Variants in MACROD2 observed in about 807,000 individuals in gnomAD.
The protein encoded by MACROD2 is mono-ADP ribosylhydrolase 2, also known as ADP-ribose glycohydrolase MACROD2.
A neutral mutation model predicts 70.4 loss-of-function variants in MACROD2; 36 were observed. The observed-to-expected ratio is 0.51, with a 90% confidence interval of 0.39 to 0.68. The LOEUF is 0.68. Among genes scored for constraint, MACROD2 ranks in the 30% least tolerant of loss-of-function variants. MACROD2 has a pLI of 0.00. For synonymous variants in MACROD2, 172 were observed against 178.8 expected, an observed-to-expected ratio of 0.96 and a Z score of 0.30; for missense variants, 496 against 538.4, an observed-to-expected ratio of 0.92 and a Z score of 0.78.
chr20:15,019,024 A>G lies in MACROD2; in HGVS notation c.419-210916A>G, dbSNP rs150467982. 6.8e-4 allele frequency among the ~76,000 whole-genome samples: 104 copies of G among 152,206 alleles called. 2 individuals carry two copies. In the East Asian group the frequency reaches 0.019, roughly 28 times the overall value. ...AAATTTAACCTTTTTTCTTTTACCA[A>G]TTACCCAGTCTCAAGTATTCTTTAC... On this transcript the variant is annotated intron_variant, in intron 5 of 17. Coordinates refer to ENST00000684519, the MANE Select transcript of MACROD2 (RefSeq NM_001351661.2).
rs141536508 is a variant in MACROD2 at position 14,598,848 on chromosome 20, C to T, written c.302-85995C>T. Among the ~76,000 whole-genome samples, 181 of 151,886 alleles carry T rather than the reference C, an allele frequency of 1.2e-3. 1 individual carries two copies. Among genetic ancestry groups the T allele is most frequent in the African/African-American group, 4.1e-3 (171 of 41,412 alleles). On this transcript the variant is annotated intron_variant, in intron 4 of 17. Transcript: ENST00000684519. ...TATGCCACAAATCTTGGGCTAGATT[C>T]GAAGATGAAGAATTATATCATGTAA... is the stretch of plus-strand genomic sequence containing the variant.
chr20:15,827,381 C>T (rs1241701459), intron 8 of MACROD2, among the ~76,000 whole-genome samples: 1 of 152,048 alleles, frequency 6.6e-6, no homozygotes, highest in Non-Finnish European at 1.5e-5. Context: ...CTATGACACA[C>T]CTGTTAAAGA....
At chr20:15,016,496 C>T (rs1050657677) in intron 5 of MACROD2, among the ~76,000 whole-genome samples, 1 of 152,066 alleles carries the variant, frequency 6.6e-6, no homozygotes, top group Non-Finnish European at 1.5e-5. Flanking sequence ...GACACTGGGG[C>T]AGATCCCTCA....
chr20:14,186,666 A>G (rs538355848), intron 3 of MACROD2, among the ~76,000 whole-genome samples: 4 of 152,300 alleles, frequency 2.6e-5, no homozygotes, highest in East Asian at 1.9e-4. Context: ...TTGCAGCACT[A>G]TTACAATAGC....
At chr20:15,443,770 A>C (rs1186590479) in intron 7 of MACROD2, among the ~76,000 whole-genome samples, 1 of 152,122 alleles carries the variant, frequency 6.6e-6, no homozygotes, top group Non-Finnish European at 1.5e-5. Flanking sequence ...ATACATAAGC[A>C]GCTCTCCAAT....
intron 6 of MACROD2, among the ~76,000 whole-genome samples, chr20:15,249,684 A>G (rs191539887): frequency 6.6e-6 from 1 of 152,376 alleles, no homozygotes; most frequent in African/African-American, 2.4e-5. Flanking sequence ...CAGTTTCAAA[A>G]TTAGATCATG....
intron 8 of MACROD2, among the ~76,000 whole-genome samples, chr20:15,614,076 C>T (rs989720042): frequency 6.6e-6 from 1 of 152,146 alleles, no homozygotes; most frequent in Admixed American, 6.6e-5. Context: ...CAGTTGTCCG[C>T]AGGAAAACCA....
intron 10 of MACROD2, among the ~76,000 whole-genome samples, chr20:15,904,496 T>C (rs2065113376): frequency 6.6e-6 from 1 of 152,206 alleles, no homozygotes; most frequent in Admixed American, 6.5e-5. Context: ...GGTGTTTTTT[T>C]ATTGTTTTTG....
rs139933554 is a variant in MACROD2, at chr20:15,264,831, C to A, written c.540+34770C>A. Among the ~76,000 whole-genome samples the A allele has an allele frequency of 2.5e-3, 374 of 152,072 alleles. 3 individuals are homozygous for A. Among genetic ancestry groups the A allele is most frequent in the Admixed American group, 5.9e-3 (90 of 15,282 alleles). ...GGAACTTCAGAGAAAGCCCCCTGAC[C>A]ACCCCAAACTTCATGAGAGAAAGAG... On this transcript the variant is annotated intron_variant, in intron 6 of 17. Transcript: ENST00000684519.
chr20:15,423,853 A>G lies in MACROD2; in HGVS notation c.541-7552A>G, dbSNP rs568112836. Among the ~76,000 whole-genome samples the G allele has an allele frequency of 8.2e-4, 124 of 152,142 alleles. 1 individual carries two copies. The highest frequency in any genetic ancestry group is 1.5e-3 in the Non-Finnish European group (104 of 68,002). On this transcript the variant is annotated intron_variant, in intron 6 of 17. Transcript: ENST00000684519. ...CTCGGTTCGGGATGCATAACAAATT[A>G]CTATAGACTGTGATTTAAACAACAA...
chr20:15,048,666 A>G (rs2075415003), intron 5 of MACROD2, among the ~76,000 whole-genome samples: 1 of 152,142 alleles, frequency 6.6e-6, no homozygotes, highest in South Asian at 2.1e-4. Flanking sequence ...CCTTTAAAAT[A>G]TTATTTTTAA....
intron 8 of MACROD2, among the ~76,000 whole-genome samples, chr20:15,523,781 T>C (rs1006279016): frequency 2.6e-5 from 4 of 152,184 alleles, no homozygotes; most frequent in African/African-American, 9.7e-5. Flanking sequence ...TCTTTCTCCA[T>C]AGAGAGGTGG....
intron 5 of MACROD2, among the ~76,000 whole-genome samples, chr20:15,070,855 A>G (rs2075613612): frequency 6.6e-6 from 1 of 152,010 alleles, no homozygotes; most frequent in Admixed American, 6.6e-5. Context: ...GAATGGAGAC[A>G]TCTACCCGCT....
At chr20:15,981,593 A>G (rs1031935587) in intron 13 of MACROD2, among the ~76,000 whole-genome samples, 1 of 152,170 alleles carries the variant, frequency 6.6e-6, no homozygotes, top group Non-Finnish European at 1.5e-5. Context: ...ACTGGGTTAC[A>G]TGCCCAGCTA....
rs1195216470 is a variant in MACROD2 at position 14,575,017 on chromosome 20, C to CA, written c.301+81534dup. Among the ~76,000 whole-genome samples the CA allele has an allele frequency of 6.0e-3, 298 of 49,936 alleles. 9 individuals carry two copies. The highest frequency in any genetic ancestry group is 0.021 in the African/African-American group (289 of 13,744). The allele number at this position is 49,936 out of a possible 152,430, so 32.8% of individuals were successfully genotyped here. ...TGGGCGACAGAGCGAGACTCTGTCT[C>CA]AAAAAAAAAAAAAAAAAAAAAAAAA... is the stretch of plus-strand genomic sequence containing the variant. On this transcript the variant is annotated intron_variant, in intron 4 of 17. Coordinates refer to ENST00000684519, the MANE Select transcript of MACROD2 (RefSeq NM_001351661.2).
chr20:14,373,901 T>C (rs1194661585), intron 3 of MACROD2, among the ~76,000 whole-genome samples: 1 of 152,156 alleles, frequency 6.6e-6, no homozygotes, highest in African/African-American at 2.4e-5. Context: ...AAATATTGCA[T>C]GTGTATGTAG....
At chr20:15,064,480 T>C (rs750243514) in intron 5 of MACROD2, among the ~76,000 whole-genome samples, 2 of 152,218 alleles carry the variant, frequency 1.3e-5, no homozygotes, top group Non-Finnish European at 2.9e-5. Context: ...ATATTTCACA[T>C]TGAAGTTCTT....
At chr20:14,800,407 G>A (rs1244505955) in intron 5 of MACROD2, among the ~76,000 whole-genome samples, 1 of 151,978 alleles carries the variant, frequency 6.6e-6, no homozygotes, top group African/African-American at 2.4e-5. Flanking sequence ...ATTTTAAATG[G>A]AATTATGGAT....
At chr20:14,334,935 G>T (rs2082910492) in intron 3 of MACROD2, among the ~76,000 whole-genome samples, 2 of 152,074 alleles carry the variant, frequency 1.3e-5, no homozygotes, top group African/African-American at 4.8e-5. Context: ...AAGAGGCATA[G>T]AAGTTAAGAA....
Sources: allele counts gnomAD v4.1 joint callset (sites outside exome capture counted in the v4.1 genomes callset), GRCh38; gene constraint gnomAD v4.1.1; transcripts MANE v1.5; gene names NCBI Gene and HGNC (gene_info 2026-07-23, HGNC 2026-07-21).